TENM2: variants seen among roughly 807,000 people sequenced by gnomAD.
The protein encoded by TENM2 is teneurin-2.
Under a neutral mutation model 245.2 loss-of-function variants are expected in TENM2, and 52 were observed. The observed-to-expected ratio is 0.21, with a 90% CI of 0.17 to 0.27. The LOEUF (loss-of-function observed/expected upper bound fraction) is 0.27, where lower values mean the gene tolerates loss of function less well. Among genes scored for constraint, TENM2 ranks in the 10% least tolerant of loss-of-function variants. The probability of loss-of-function intolerance (pLI) is 1.00; values close to 1 mark genes in which losing one functional copy is unlikely to be tolerated. For missense variants in TENM2, 3,046 were observed against 3,666.8 expected (o/e 0.83, Z 4.37); for synonymous variants, 1,363 against 1,438.9 (o/e 0.95, Z 1.19).
intron 25 of TENM2, among the ~76,000 whole-genome samples, chr5:168,243,084 C>T (rs1004839212): frequency 7.2e-5 from 11 of 152,166 alleles, no homozygotes; most frequent in Admixed American, 2.6e-4. Flanking sequence ...CTCTTCCTTT[C>T]GCCTATTTAC....
At chr5:167,617,469 C>A (rs1196613503) in intron 2 of TENM2, among the ~76,000 whole-genome samples, 1 of 152,142 alleles carries the variant, frequency 6.6e-6, no homozygotes. Context: ...TCAAAAAATT[C>A]AATGTATTGT....
the TENM2 span, among the ~76,000 whole-genome samples, chr5:167,196,500 G>GTGTA: frequency 1.5e-4 from 23 of 149,064 alleles, no homozygotes; most frequent in African/African-American, 5.7e-4. Context: ...ATATATATGT[G>GTGTA]TATATATATG....
At chr5:167,842,224 C>A (rs1014212003) in intron 2 of TENM2, among the ~76,000 whole-genome samples, 2 of 151,990 alleles carry the variant, frequency 1.3e-5, no homozygotes, top group African/African-American at 4.8e-5. Context: ...TTGTTTGTCT[C>A]CTCAGAGCAG....
intron 2 of TENM2, among the ~76,000 whole-genome samples, chr5:167,713,247 T>C (rs533321382): frequency 6.6e-6 from 1 of 151,974 alleles, no homozygotes; most frequent in South Asian, 2.1e-4. Context: ...TTTTCCCCTC[T>C]TCTAAAATAT....
chr5:167,220,951 C>A, the TENM2 span, among the ~76,000 whole-genome samples: 1 of 152,022 alleles, frequency 6.6e-6, no homozygotes, highest in East Asian at 1.9e-4. Context: ...CTCAGCCTCC[C>A]AAGTAGCTGG....
At chr5:167,042,809 C>T in the TENM2 span, among the ~76,000 whole-genome samples, 2 of 152,140 alleles carry the variant, frequency 1.3e-5, no homozygotes, top group Non-Finnish European at 2.9e-5. Context: ...TTCGGTAGGT[C>T]AATTGTTTAG....
chr5:167,508,802 C>T (rs941241475), intron 2 of TENM2, among the ~76,000 whole-genome samples: 1 of 152,132 alleles, frequency 6.6e-6, no homozygotes, highest in African/African-American at 2.4e-5. Flanking sequence ...CTCAATTTTT[C>T]CCTAATATCT....
intron 2 of TENM2, among the ~76,000 whole-genome samples, chr5:167,541,746 G>A (rs530029909): frequency 6.6e-6 from 1 of 152,246 alleles, no homozygotes; most frequent in South Asian, 2.1e-4. Flanking sequence ...CCTCCAAGGA[G>A]CATTAATTCA....
chr5:167,170,176 G>A, the TENM2 span, among the ~76,000 whole-genome samples: 19 of 152,318 alleles, frequency 1.2e-4, no homozygotes, highest in East Asian at 5.8e-4. Context: ...TAAGCATACC[G>A]TAGAATTCCT....
chr5:167,586,778 G>A (rs895126848), intron 2 of TENM2, among the ~76,000 whole-genome samples: 2 of 152,108 alleles, frequency 1.3e-5, no homozygotes, highest in Non-Finnish European at 2.9e-5. Flanking sequence ...AAAGCGTTCT[G>A]GAATGAGTAA....
chr5:168,187,765 C>T (rs1760604075), intron 13 of TENM2: 1 of 152,132 alleles, frequency 6.6e-6, no homozygotes, highest in Non-Finnish European at 1.5e-5. Flanking sequence ...TGAAACAATG[C>T]CTGGATATCA....
At chr5:167,326,760 C>T (rs886242854) in intron 1 of TENM2, among the ~76,000 whole-genome samples, 1 of 149,256 alleles carries the variant, frequency 6.7e-6, no homozygotes, top group Non-Finnish European at 1.5e-5. Flanking sequence ...GTTCAGTTTA[C>T]ATATTGGGGA....
intron 2 of TENM2, among the ~76,000 whole-genome samples, chr5:167,399,321 G>A (rs1338112331): frequency 6.6e-6 from 1 of 152,174 alleles, no homozygotes; most frequent in Non-Finnish European, 1.5e-5. Context: ...TGAGCAGAGC[G>A]AGGAGCGAGC....
intron 2 of TENM2, among the ~76,000 whole-genome samples, chr5:167,723,799 A>G (rs1759802857): frequency 6.6e-6 from 1 of 152,186 alleles, no homozygotes; most frequent in African/African-American, 2.4e-5. Context: ...GCTCAAGTAA[A>G]TATCTATTGA....
chr5:167,737,190 C>T (rs146665943), intron 2 of TENM2, among the ~76,000 whole-genome samples: 1 of 152,274 alleles, frequency 6.6e-6, no homozygotes, highest in African/African-American at 2.4e-5. Context: ...TTTAAATGGA[C>T]GAGCCTAAAG....
the TENM2 span, among the ~76,000 whole-genome samples, chr5:167,082,576 T>C: frequency 0.039 from 5,972 of 152,240 alleles, 154 homozygotes; most frequent in South Asian, 0.089. Flanking sequence ...TGAGCCACCA[T>C]ACACAGCCGA....
At chr5:168,199,905 A>T (rs1383195738) in exon 17 of TENM2, 2 of 1,613,732 alleles carry the variant, frequency 1.2e-6, no homozygotes, top group African/African-American at 1.3e-5. Context: ...CCAATGTGAA[A>T]CTTCGCTATC....
intron 9 of TENM2, among the ~76,000 whole-genome samples, chr5:168,099,510 G>T (rs1354795479): frequency 3.9e-5 from 6 of 152,090 alleles, no homozygotes; most frequent in South Asian, 2.1e-4. Flanking sequence ...GCCTCAAAGG[G>T]CTTGACTTTC....
the TENM2 span, among the ~76,000 whole-genome samples, chr5:167,229,837 G>A: frequency 3.9e-5 from 6 of 152,228 alleles, no homozygotes; most frequent in Non-Finnish European, 8.8e-5. Context: ...TAGCAAATGT[G>A]CTGAGGCCCT....
Sources: gnomAD v4.1 joint callset for allele counts (sites outside exome capture counted in the v4.1 genomes callset) on GRCh38, gnomAD v4.1.1 for gene constraint, MANE v1.5 for transcripts, NCBI Gene and HGNC (gene_info 2026-07-23, HGNC 2026-07-21) for gene names.